DYSF: variants seen among roughly 807,000 people sequenced by gnomAD.
DYSF encodes dystrophy-associated fer-1-like 1.
DYSF carries 212 observed loss-of-function variants against 274.9 expected under a neutral mutation model. That is an observed-to-expected ratio of 0.77 (90% confidence interval 0.69 to 0.86). The LOEUF (loss-of-function observed/expected upper bound fraction) is 0.86. Ranked by LOEUF, DYSF falls within the 40% of genes least tolerant of loss-of-function variation. DYSF has a pLI of 0.00. For synonymous variants in DYSF, 1,091 were observed against 1,078.7 expected, an observed-to-expected ratio of 1.01 and a Z score of -0.22; for missense variants, 2,666 against 2,783.2, an observed-to-expected ratio of 0.96 and a Z score of 0.95.
chr2:71,660,501 A>T, intron 44 of DYSF, 59 bp from the exon 45 acceptor site: 3 of 1,444,502 alleles, frequency 2.1e-6, no homozygotes, highest in Non-Finnish European at 1.9e-6. Context: ...GGCACTCATG[A>T]AGCCTCAAAG....
intron 30 of DYSF, among the ~76,000 whole-genome samples, chr2:71,580,867 C>T (rs149405650): frequency 1.4e-4 from 22 of 152,216 alleles, no homozygotes; most frequent in African/African-American, 5.1e-4. Flanking sequence ...GATTCGATTG[C>T]GTGTCCATGT....
chr2:71,575,458 G>A (rs995842282), intron 30 of DYSF, among the ~76,000 whole-genome samples: 4 of 152,168 alleles, frequency 2.6e-5, no homozygotes, highest in Admixed American at 2.6e-4. Context: ...CAGAGCTCTC[G>A]GCTCTCTGGG....
At chr2:71,530,950 T>C (rs1243774341) in intron 14 of DYSF, among the ~76,000 whole-genome samples, 1 of 152,096 alleles carries the variant, frequency 6.6e-6, no homozygotes, top group Non-Finnish European at 1.5e-5. Flanking sequence ...ATGTGAACCA[T>C]ACTTGATTTG....
At position 71,664,265 on chromosome 2, in the gene DYSF, C is replaced by T. The variant is rs1243006426; in HGVS notation, c.5004-3C>T. On this transcript the variant is annotated splice_region_variant and splice_polypyrimidine_tract_variant and intron_variant, in intron 45 of 55. Transcript: ENST00000410020. ...TGACATCGGGAATCTGCCCCTCCTG[C>T]AGGATGTTCGAGCTGACCTGCACTC... 1.4e-5 allele frequency: 22 copies of T among 1,613,956 alleles called. No individual in the cohort carries two copies. The highest frequency in any genetic ancestry group is 1.8e-5 in the Non-Finnish European group (21 of 1,179,944).
intron 41 of DYSF, among the ~76,000 whole-genome samples, chr2:71,642,229 C>T (rs567941296): frequency 1.3e-3 from 194 of 152,296 alleles, no homozygotes; most frequent in African/African-American, 4.5e-3. Flanking sequence ...TTTAGGGGAA[C>T]TCAACAGCTA....
intron 14 of DYSF, among the ~76,000 whole-genome samples, chr2:71,530,479 T>A (rs971131312): frequency 6.6e-6 from 1 of 152,096 alleles, no homozygotes; most frequent in Non-Finnish European, 1.5e-5. Context: ...CCCTGGGGAT[T>A]TCTTTAGGAA....
At chr2:71,674,402 G>A (rs994629259) in intron 52 of DYSF, 106 bp downstream of exon 52, 6 of 1,089,834 alleles carry the variant, frequency 5.5e-6, no homozygotes, top group Non-Finnish European at 8.4e-6. Context: ...AGCAGGAGGA[G>A]TGATCCCACT....
At chr2:71,570,079 G>A (rs1214649603) in intron 27 of DYSF, 145 bp downstream of exon 27, 8 of 1,058,136 alleles carry the variant, frequency 7.6e-6, no homozygotes, top group African/African-American at 1.6e-5. Flanking sequence ...GGAAAGTGTG[G>A]GGTGCAGTGG....
intron 12 of DYSF, among the ~76,000 whole-genome samples, chr2:71,523,900 C>T (rs2087581473): frequency 2.6e-5 from 4 of 152,148 alleles, no homozygotes. Flanking sequence ...CTTACAAAAC[C>T]TCCAGTGACT....
intron 17 of DYSF, among the ~76,000 whole-genome samples, chr2:71,539,457 G>T (rs1467433621): frequency 6.6e-6 from 1 of 152,120 alleles, no homozygotes; most frequent in African/African-American, 2.4e-5. Context: ...CCACTGAAGG[G>T]CACAAAGAGG....
chr2:71,558,848 T>C (rs1363886820), intron 22 of DYSF, among the ~76,000 whole-genome samples: 2 of 152,006 alleles, frequency 1.3e-5, no homozygotes, highest in Non-Finnish European at 2.9e-5. Context: ...GCAGGAGCAA[T>C]TCGCTCAGCT....
intron 1 of DYSF, among the ~76,000 whole-genome samples, chr2:71,468,893 G>A (rs2081748053): frequency 6.6e-6 from 1 of 152,214 alleles, no homozygotes; most frequent in African/African-American, 2.4e-5. Context: ...ACAAGTAGGT[G>A]CTCTCTAGTG....
At chr2:71,585,296 T>C (rs899643097) in intron 30 of DYSF, among the ~76,000 whole-genome samples, 5 of 152,226 alleles carry the variant, frequency 3.3e-5, no homozygotes, top group African/African-American at 1.2e-4. Flanking sequence ...TGTGAGGCTA[T>C]GCGTGTTAGA....
chr2:71,576,971 C>T (rs573808633), intron 30 of DYSF: 1 of 152,370 alleles, frequency 6.6e-6, no homozygotes, highest in East Asian at 1.9e-4. Context: ...TTGTAATTCA[C>T]CTGTGACTTG....
Position 71,611,239 on chromosome 2 carries a change from C to T in DYSF, c.3958-6C>T, listed in dbSNP as rs568840196. On this transcript the variant is annotated splice_polypyrimidine_tract_variant and splice_region_variant and intron_variant, in intron 36 of 55. Coordinates refer to ENST00000410020, the MANE Select transcript of DYSF (RefSeq NM_001130987.2). The stretch of plus-strand genomic sequence containing the variant: ...TTGTCTCCATTCTACCTGCTGTCCA[C>T]TGCAGTCTGAGGACACAGACCTGCC... The T allele has an allele frequency of 1.2e-6, 2 of 1,607,132 alleles. No individual in the cohort carries two copies. The highest frequency in any genetic ancestry group is 1.3e-5 in the African/African-American group (1 of 74,748).
chr2:71,493,559 C>G (rs1363171524), intron 3 of DYSF, among the ~76,000 whole-genome samples: 2 of 152,160 alleles, frequency 1.3e-5, no homozygotes, highest in Non-Finnish European at 2.9e-5. Context: ...TAAAGAAACA[C>G]AAAGGTTTTC....
intron 12 of DYSF, among the ~76,000 whole-genome samples, chr2:71,523,657 C>T (rs574648682): frequency 6.6e-6 from 1 of 151,440 alleles, no homozygotes; most frequent in Non-Finnish European, 1.5e-5. Flanking sequence ...AGTGATTCTC[C>T]TGCCTCAGCC....
chr2:71,636,783 C>T (rs944871435), intron 41 of DYSF, among the ~76,000 whole-genome samples: 1 of 152,096 alleles, frequency 6.6e-6, no homozygotes, highest in Non-Finnish European at 1.5e-5. Context: ...GGCTCAAGCA[C>T]TGAGCCCTGA....
At chr2:71,622,134 T>TTTTTTTTTTTG (rs1553390400) in intron 41 of DYSF, among the ~76,000 whole-genome samples, 2 of 132,238 alleles carry the variant, frequency 1.5e-5, no homozygotes, top group African/African-American at 2.5e-5. Flanking sequence ...TTCTTTGTTT[T>TTTTTTTTTTTG]TTTTTTTTTT....
Sources: gnomAD v4.1 joint callset for allele counts (sites outside exome capture counted in the v4.1 genomes callset) on GRCh38, gnomAD v4.1.1 for gene constraint, MANE v1.5 for transcripts, NCBI Gene and HGNC (gene_info 2026-07-23, HGNC 2026-07-21) for gene names.